The following TAF4 variants were observed in gnomAD, a reference collection of about 807,000 sequenced individuals.
TAF4 encodes transcription initiation factor TFIID subunit 4.
TAF4 carries 9 observed loss-of-function variants against 90.3 expected under a neutral mutation model. The observed-to-expected ratio is 0.10, with a 90% CI of 0.06 to 0.17. TAF4 has a LOEUF of 0.17. Among genes scored for constraint, TAF4 ranks in the 10% least tolerant of loss-of-function variants. The probability of loss-of-function intolerance (pLI) is 1.00; values close to 1 mark genes in which losing one functional copy is unlikely to be tolerated. For missense variants in TAF4, 1,351 were observed against 1,370.7 expected (o/e 0.99, Z 0.23); for synonymous variants, 818 against 638.9 (o/e 1.28, Z -4.23).
At chr20:62,035,071 G>A (rs1471963392) in intron 1 of TAF4, among the ~76,000 whole-genome samples, 1 of 151,872 alleles carries the variant, frequency 6.6e-6, no homozygotes, top group Non-Finnish European at 1.5e-5. Flanking sequence ...CCGCCTGCCT[G>A]GGCCTCCCAA....
At chr20:62,027,996 T>C (rs2145490516) in intron 1 of TAF4, among the ~76,000 whole-genome samples, 1 of 152,336 alleles carries the variant, frequency 6.6e-6, no homozygotes, top group East Asian at 1.9e-4. Context: ...CTGAATTGCA[T>C]TTTCCAGGTT....
chr20:62,054,780 A>G (rs1452091307), intron 1 of TAF4, among the ~76,000 whole-genome samples: 3 of 151,168 alleles, frequency 2.0e-5, no homozygotes, highest in South Asian at 2.1e-4. Context: ...CTTCTAGTCT[A>G]CTCTACAGGC....
intron 1 of TAF4, among the ~76,000 whole-genome samples, chr20:62,054,214 G>A (rs1213356355): frequency 6.6e-6 from 1 of 152,208 alleles, no homozygotes; most frequent in Non-Finnish European, 1.5e-5. Flanking sequence ...AAGCATGAAG[G>A]AGGCGGCCTG....
In TAF4 at chr20:62,051,026, T is replaced by C. The variant is rs1256630379; in HGVS notation, c.1360+13425A>G. 2.0e-5 allele frequency among the ~76,000 whole-genome samples: 3 copies of C among 152,108 alleles called. No homozygotes were observed. The East Asian group carries it at 5.8e-4, about 29-fold the overall frequency. Reference sequence around the variant, plus strand: ...CCCCTCACAGGGGAAGCATCTGAAGTCAACAGCACACTCTCGAAAAGTTAC... The same window carrying C: ...CCCCTCACAGGGGAAGCATCTGAAGCCAACAGCACACTCTCGAAAAGTTAC... On this transcript the variant is annotated intron_variant, in intron 1 of 14. Coordinates refer to ENST00000252996, the MANE Select transcript of TAF4 (RefSeq NM_003185.4).
chr20:62,065,303 C>A lies in TAF4; in HGVS notation c.508G>T (p.Ala170Ser). Residue 170 changes from alanine to serine, a missense_variant, in exon 1 of 15, where the codon GCC becomes TCC. By Grantham distance (99) the Ala-to-Ser change is moderately conservative. Transcript: ENST00000252996. ...GGGCCGGGCCCGGGGCCGGGGCCGG[C>A]GCGGGCGGCCAGCGCGGCGGGGCCG... ...PAGPAALAAR[A>S]GPGPGPGPGP... is the part of the protein sequence containing the mutation. The A allele has an allele frequency of 2.2e-6, 2 of 903,324 alleles. No individual in the cohort carries two copies. Among genetic ancestry groups the A allele is most frequent in the South Asian group, 5.2e-5 (1 of 19,322 alleles). The allele number at this position is 903,324 out of a possible 1,614,324, so 56.0% of individuals were successfully genotyped here. A position where few individuals can be genotyped will look rare whatever the true frequency, so the allele number is the denominator to read the frequency against.
chr20:62,032,385 C>A (rs2055909171), intron 1 of TAF4, among the ~76,000 whole-genome samples: 1 of 152,282 alleles, frequency 6.6e-6, no homozygotes, highest in African/African-American at 2.4e-5. Flanking sequence ...CATCGCTTCT[C>A]TTCCACATGT....
Position 62,014,017 on chromosome 20 carries a change from TGG to T in TAF4, c.1521+528_1521+529del, listed in dbSNP as rs1184121743. The stretch of plus-strand genomic sequence containing the variant: ...GGCCCTGAAGGCTGACGCGGGGGTG[TGG>T]GTGTGTGTGTGTGTGTGTGTGTGTG... On this transcript the variant is annotated intron_variant, in intron 2 of 14. Transcript: ENST00000252996. Among the ~76,000 whole-genome samples, 1,082 of 116,442 alleles carry T rather than the reference TGG, an allele frequency of 9.3e-3. 19 individuals are homozygous for T. Among genetic ancestry groups the T allele is most frequent in the African/African-American group, 0.04 (982 of 24,788 alleles). 76.4% of individuals were successfully genotyped at this position (116,442 alleles called of 152,430 possible).
At chr20:62,045,616 A>G (rs1165095224) in intron 1 of TAF4, among the ~76,000 whole-genome samples, 3 of 152,226 alleles carry the variant, frequency 2.0e-5, no homozygotes, top group Non-Finnish European at 4.4e-5. Context: ...ATGAGTACGT[A>G]CTACTCAGAA....
Position 62,006,466 on chromosome 20 carries a change from A to C in TAF4, c.2223+44T>G. The C allele has an allele frequency of 7.3e-7, 1 of 1,375,768 alleles. No individual in the cohort carries two copies. Among genetic ancestry groups the C allele is most frequent in the Non-Finnish European group, 9.4e-7 (1 of 1,060,896 alleles). 85.2% of individuals were successfully genotyped at this position (1,375,768 alleles called of 1,614,324 possible). A position where few individuals can be genotyped will look rare whatever the true frequency, so the allele number is the denominator to read the frequency against. The stretch of plus-strand genomic sequence containing the variant: ...TTATCTAAGAAGCGGGCGGGAGCAG[A>C]GGCACGGTGGGCTGTGCAGACCAGT... On this transcript the variant is annotated intron_variant, in intron 7 of 14. Coordinates refer to ENST00000252996, the MANE Select transcript of TAF4 (RefSeq NM_003185.4). This position sits in a 1 kb window ranked among gnomAD's most constrained non-coding sequence, Gnocchi z 7.0.
chr20:62,012,606 A>T, intron 3 of TAF4: 1 of 616,398 alleles, frequency 1.6e-6, no homozygotes, highest in Non-Finnish European at 2.5e-6. Flanking sequence ...GTGACTAAAA[A>T]AAAGAAAAAA....
intron 1 of TAF4, among the ~76,000 whole-genome samples, chr20:62,043,318 G>A (rs1249210577): frequency 6.6e-6 from 1 of 152,122 alleles, no homozygotes; most frequent in African/African-American, 2.4e-5. Context: ...ACAGAATAAG[G>A]ATACAAAGAA....
intron 14 of TAF4, among the ~76,000 whole-genome samples, chr20:61,982,695 A>C: frequency 1.4e-5 from 2 of 141,622 alleles, no homozygotes; most frequent in African/African-American, 2.7e-5. Context: ...AGGAGACACC[A>C]AACCCACACC....
chr20:61,982,078 G>C (rs9753597), intron 14 of TAF4, among the ~76,000 whole-genome samples: 2 of 40,080 alleles, frequency 5.0e-5, no homozygotes, highest in African/African-American at 1.0e-4. Flanking sequence ...CCCCACCCGA[G>C]AGGAGACACC....
intron 1 of TAF4, among the ~76,000 whole-genome samples, chr20:62,029,553 T>A (rs2145491928): frequency 6.6e-6 from 1 of 152,084 alleles, no homozygotes; most frequent in South Asian, 2.1e-4. Context: ...GGGGCTGCCG[T>A]GGTGGGGCGG....
intron 12 of TAF4, among the ~76,000 whole-genome samples, chr20:61,998,758 T>A (rs1038356723): frequency 1.3e-5 from 2 of 152,134 alleles, no homozygotes; most frequent in African/African-American, 4.8e-5. Flanking sequence ...GTGTGGAGCG[T>A]GAGGTGCTGG....
At chr20:62,046,211 T>G (rs1205203597) in intron 1 of TAF4, among the ~76,000 whole-genome samples, 3 of 152,254 alleles carry the variant, frequency 2.0e-5, no homozygotes, top group Non-Finnish European at 2.9e-5. Context: ...CCCCAGGGAC[T>G]TGGTACGGCT....
intron 3 of TAF4, among the ~76,000 whole-genome samples, chr20:62,011,675 GC>G (rs2055778710): frequency 6.6e-6 from 1 of 152,168 alleles, no homozygotes; most frequent in African/African-American, 2.4e-5. Flanking sequence ...GGGGGGAGCT[GC>G]CCCTGGAGTC....
At chr20:62,029,602 A>G (rs531845972) in intron 1 of TAF4, among the ~76,000 whole-genome samples, 144 of 152,282 alleles carry the variant, frequency 9.5e-4, no homozygotes, top group African/African-American at 3.3e-3. Context: ...AGGAGCTGAC[A>G]GTCTGGTAAA....
At chr20:61,988,571 T>A (rs2055610315) in intron 14 of TAF4, among the ~76,000 whole-genome samples, 1 of 152,136 alleles carries the variant, frequency 6.6e-6, no homozygotes, top group Non-Finnish European at 1.5e-5. Flanking sequence ...TTAAGAGGTA[T>A]CCTACAAGAA....
Sources: allele counts gnomAD v4.1 joint callset (sites outside exome capture counted in the v4.1 genomes callset), GRCh38; gene constraint gnomAD v4.1.1; non-coding constraint Gnocchi (gnomAD v3.1); transcripts MANE v1.5; gene names NCBI Gene and HGNC (gene_info 2026-07-23, HGNC 2026-07-21).